Variants in ABL1 observed in about 807,000 individuals in gnomAD.
The protein encoded by ABL1 is tyrosine-protein kinase ABL1.
A neutral mutation model predicts 94.7 loss-of-function variants in ABL1; 11 were observed. The observed-to-expected ratio is 0.12, with a 90% CI of 0.07 to 0.19. ABL1 has a LOEUF of 0.19. ABL1 is among the 10% of genes least tolerant of loss of function. The pLI is 1.00. For missense variants in ABL1, 1,082 were observed against 1,489.4 expected, an observed-to-expected ratio of 0.73 and a Z score of 4.50; for synonymous variants, 656 against 622.4, an observed-to-expected ratio of 1.05 and a Z score of -0.80.
chr9:130,828,244 G>A (rs1162297765), intron 1 of ABL1, among the ~76,000 whole-genome samples: 1 of 152,038 alleles, frequency 6.6e-6, no homozygotes, highest in South Asian at 2.1e-4. Flanking sequence ...TAAATTTTTT[G>A]TAGAGAGATG....
In ABL1 at chr9:130,876,914, A is replaced by G. The variant is rs1250769696; in HGVS notation, c.1271-1501A>G. Among the ~76,000 whole-genome samples the G allele has an allele frequency of 2.8e-5, 4 of 143,770 alleles. 1 individual carries two copies. The highest frequency in any genetic ancestry group is 4.5e-5 in the Non-Finnish European group (3 of 66,198). 94.3% of individuals were successfully genotyped at this position (143,770 alleles called of 152,430 possible). Reference sequence around the variant, plus strand: ...GCCACACTCGGCCAATTTTTTTTCTATTTTTGTAGAGACGGGGTTTCACTG... The same window carrying G: ...GCCACACTCGGCCAATTTTTTTTCTGTTTTTGTAGAGACGGGGTTTCACTG... On this transcript the variant is annotated intron_variant, in intron 7 of 10. Transcript: ENST00000318560.
intron 1 of ABL1, among the ~76,000 whole-genome samples, chr9:130,739,031 C>T (rs1186465765): frequency 6.6e-6 from 1 of 152,180 alleles, no homozygotes; most frequent in Non-Finnish European, 1.5e-5. Flanking sequence ...CCACCCGCTA[C>T]AGGCGCGTGC....
intron 3 of ABL1, among the ~76,000 whole-genome samples, chr9:130,860,982 C>T (rs545034110): frequency 2.0e-5 from 3 of 152,268 alleles, no homozygotes; most frequent in Non-Finnish European, 2.9e-5. Flanking sequence ...TCAGCGGTGC[C>T]GACTTCCGCT....
chr9:130,882,112 C>G (rs1346798065), intron 10 of ABL1, among the ~76,000 whole-genome samples: 1 of 152,162 alleles, frequency 6.6e-6, no homozygotes, highest in East Asian at 1.9e-4. Flanking sequence ...CCTTCCTCCT[C>G]TTATCGGTTT....
At chr9:130,815,543 G>A (rs1770420739) in intron 1 of ABL1, among the ~76,000 whole-genome samples, 5 of 152,046 alleles carry the variant, frequency 3.3e-5, no homozygotes, top group Admixed American at 3.3e-4. Context: ...GGTCACCTCT[G>A]CTTGTCCAAG....
chr9:130,848,237 C>G (rs1370398959), intron 1 of ABL1, among the ~76,000 whole-genome samples: 1 of 150,324 alleles, frequency 6.7e-6, no homozygotes, highest in Admixed American at 6.7e-5. Flanking sequence ...GCGGTGGCTC[C>G]TGCCTGTAAT....
rs141484272 is a variant in ABL1, at chr9:130,758,332, T to C, written c.136+43877T>C. 7.3e-3 allele frequency among the ~76,000 whole-genome samples: 1,097 copies of C among 149,696 alleles called. 21 individuals carry two copies. Among genetic ancestry groups the C allele is most frequent in the African/African-American group, 0.026 (1,071 of 40,488 alleles). On this transcript the variant is annotated intron_variant, in intron 1 of 10. Transcript: ENST00000372348. ...TGTACTACCACGTCTGGCTAATTTT[T>C]GTATTTCAGTAGAGATGGGGTTTCA...
Position 130,835,657 on chromosome 9 carries a change from C to G in ABL1, c.79+132C>G. On this transcript the variant is annotated intron_variant, in intron 1 of 10. Transcript: ENST00000318560. This position sits in a 1 kb window ranked among gnomAD's most constrained non-coding sequence, Gnocchi z 4.6. ...GGGTCTTGTCTTTTTTTTCTTTCTT[C>G]CCTCTTCTCTTCTCTTCTCTTCAGT... is the stretch of plus-strand genomic sequence containing the variant. 2 of 512,850 alleles carry G rather than the reference C, an allele frequency of 3.9e-6. No individual in the cohort carries two copies. The highest frequency in any genetic ancestry group is 4.0e-5 in the South Asian group (2 of 50,510). The allele number at this position is 512,850 out of a possible 1,614,324, so 31.8% of individuals were successfully genotyped here.
intron 1 of ABL1, among the ~76,000 whole-genome samples, chr9:130,841,060 T>C (rs557377510): frequency 1.3e-5 from 2 of 152,162 alleles, no homozygotes; most frequent in African/African-American, 4.8e-5. Context: ...CTGGGCCACA[T>C]TGGGAGAAAA....
At chr9:130,720,294 G>A (rs965295283) in intron 1 of ABL1, among the ~76,000 whole-genome samples, 13 of 152,218 alleles carry the variant, frequency 8.5e-5, no homozygotes, top group Non-Finnish European at 1.5e-4. Flanking sequence ...GACAGGGAAT[G>A]GGGTAGGAGG....
intron 1 of ABL1, among the ~76,000 whole-genome samples, chr9:130,722,212 G>A (rs1265486569): frequency 1.3e-5 from 2 of 152,020 alleles, no homozygotes; most frequent in Non-Finnish European, 2.9e-5. Context: ...GACCAACATG[G>A]TGAAACCCCA....
chr9:130,856,010 T>C (rs564756096), intron 3 of ABL1, among the ~76,000 whole-genome samples: 4 of 152,178 alleles, frequency 2.6e-5, no homozygotes, highest in Middle Eastern at 3.4e-3. Context: ...CTGCTTCCCA[T>C]GCTCAAGTGA....
At chr9:130,855,235 T>C in intron 3 of ABL1, 139 bp downstream of exon 3, 1 of 991,186 alleles carries the variant, frequency 1.0e-6, no homozygotes, top group Non-Finnish European at 1.5e-6. Flanking sequence ...GTCATTCCAT[T>C]AGCCTTATGA....
chr9:130,752,229 G>T (rs948350844), intron 1 of ABL1, among the ~76,000 whole-genome samples: 1 of 152,214 alleles, frequency 6.6e-6, no homozygotes, highest in Non-Finnish European at 1.5e-5. Flanking sequence ...AGGCCTAGAT[G>T]TGAATCCTGT....
chr9:130,834,094 T>A, upstream of ABL1: 1 of 456,096 alleles, frequency 2.2e-6, no homozygotes, highest in Non-Finnish European at 4.4e-6. Context: ...GTCTGACTTC[T>A]CTGAGCATCT....
At chr9:130,723,220 G>T (rs1392431935) in intron 1 of ABL1, among the ~76,000 whole-genome samples, 1 of 152,054 alleles carries the variant, frequency 6.6e-6, no homozygotes, top group African/African-American at 2.4e-5. Context: ...TGGTAGTTGT[G>T]CCCCTGATGT....
At chr9:130,829,446 G>A (rs1289747612) in intron 1 of ABL1, among the ~76,000 whole-genome samples, 1 of 151,820 alleles carries the variant, frequency 6.6e-6, no homozygotes, top group Non-Finnish European at 1.5e-5. Context: ...CCTGTAGTCC[G>A]AGCTACTCGG....
At chr9:130,776,603 G>A (rs1465047112) in intron 1 of ABL1, among the ~76,000 whole-genome samples, 4 of 151,928 alleles carry the variant, frequency 2.6e-5, no homozygotes, top group African/African-American at 7.2e-5. Context: ...AGCAGCTGTG[G>A]TGACTCTTTT....
chr9:130,868,569 G>T, intron 4 of ABL1, among the ~76,000 whole-genome samples: 1 of 145,922 alleles, frequency 6.9e-6, no homozygotes. Flanking sequence ...AGTAGTTCAG[G>T]CTGGAGTGCA....
Sources: allele counts gnomAD v4.1 joint callset (sites outside exome capture counted in the v4.1 genomes callset), GRCh38; gene constraint gnomAD v4.1.1; non-coding constraint Gnocchi (gnomAD v3.1); transcripts MANE v1.5; gene names NCBI Gene and HGNC (gene_info 2026-07-23, HGNC 2026-07-21).